The following FNIP1 variants were observed in gnomAD, a reference collection of about 807,000 sequenced individuals.
FNIP1 encodes the protein folliculin interacting protein 1.
A neutral mutation model predicts 124.5 loss-of-function variants in FNIP1; 40 were observed. That is an observed-to-expected ratio of 0.32 (90% CI 0.25 to 0.42). The LOEUF is 0.42. Ranked by LOEUF, FNIP1 falls within the 10% of genes least tolerant of loss-of-function variation. The pLI is 1.00. For missense variants in FNIP1, 1,176 were observed against 1,403.7 expected, an observed-to-expected ratio of 0.84 and a Z score of 2.59; for synonymous variants, 472 against 470.6, an observed-to-expected ratio of 1.00 and a Z score of -0.04.
chr5:131,716,577 G>A lies in FNIP1; in HGVS notation c.610C>T (p.Leu204Phe), dbSNP rs780710252. The change falls in exon 6 of 18, where the codon CTT (leucine) becomes TTT (phenylalanine). Residue 204 changes from leucine (L) to phenylalanine (F), a missense_variant. Coordinates refer to ENST00000510461, the MANE Select transcript of FNIP1 (RefSeq NM_133372.3). The stretch of plus-strand genomic sequence containing the variant: ...AGGAACCATTTACCTATATTTCCAA[G>A]CAGTCCATTAATAACTGTGTTATTA... ...ADNNTVINGL[L>F]GNIGLSQFCS... 1 of 1,594,230 alleles carries A rather than the reference G, an allele frequency of 6.3e-7. No homozygotes were observed. Among genetic ancestry groups the A allele is most frequent in the Non-Finnish European group, 8.6e-7 (1 of 1,168,568 alleles).
intron 1 of FNIP1, among the ~76,000 whole-genome samples, chr5:131,785,651 A>G (rs1269480386): frequency 2.0e-5 from 3 of 152,278 alleles, no homozygotes; most frequent in South Asian, 2.1e-4. Flanking sequence ...CAGACGGTAC[A>G]TTAACATGGG....
chr5:131,747,489 T>C (rs1770721260), intron 1 of FNIP1, among the ~76,000 whole-genome samples: 1 of 152,114 alleles, frequency 6.6e-6, no homozygotes, highest in Non-Finnish European at 1.5e-5. Context: ...TTCTACTAAA[T>C]TGTGCTTTCA....
Position 131,655,028 on chromosome 5 carries a change from T to C in FNIP1, c.3109-3029A>G, listed in dbSNP as rs568561646. On this transcript the variant is annotated intron_variant, in intron 15 of 17. Coordinates refer to ENST00000510461, the MANE Select transcript of FNIP1 (RefSeq NM_133372.3). ...AAAGATATATACATCTGTGATATTG[T>C]GAAATATATTCAGCTGACCAACAAC... Among the ~76,000 whole-genome samples, 12 of 152,328 alleles carry C rather than the reference T, an allele frequency of 7.9e-5. No individual in the cohort carries two copies. In the South Asian group the frequency reaches 2.3e-3, roughly 29 times the overall value.
chr5:131,760,660 T>C (rs772139247), intron 1 of FNIP1, among the ~76,000 whole-genome samples: 2 of 152,176 alleles, frequency 1.3e-5, no homozygotes, highest in Non-Finnish European at 2.9e-5. Context: ...TTAGTTGTTC[T>C]TTCCTGAGCC....
rs775193579 is a variant in FNIP1, at chr5:131,709,169, A to G, written c.778+32T>C. On this transcript the variant is annotated intron_variant, in intron 8 of 17. Coordinates refer to ENST00000510461, the MANE Select transcript of FNIP1 (RefSeq NM_133372.3). ...GAAAATCAATGCCAACAGTAATCTC[A>G]TAAAAAACTGAATACAAGAACGTGA... 4 of 1,580,978 alleles carry G rather than the reference A, an allele frequency of 2.5e-6. No homozygotes were observed. The South Asian group carries it at 4.5e-5, about 18-fold the overall frequency.
At chr5:131,681,415 C>T (rs1432431619) in intron 11 of FNIP1, among the ~76,000 whole-genome samples, 1 of 152,042 alleles carries the variant, frequency 6.6e-6, no homozygotes, top group African/African-American at 2.4e-5. Flanking sequence ...TTCTCAACTA[C>T]AGAGCGCAAC....
chr5:131,690,014 A>T (rs1194821064), intron 11 of FNIP1, among the ~76,000 whole-genome samples: 2 of 151,960 alleles, frequency 1.3e-5, no homozygotes, highest in Non-Finnish European at 2.9e-5. Flanking sequence ...AGGTCAGGAG[A>T]TCGAGGCCAT....
rs200864184 is a variant in FNIP1 at position 131,682,138 on chromosome 5, T to TATAA, written c.1203-2967_1203-2964dup. Among the ~76,000 whole-genome samples the TATAA allele has an allele frequency of 8.0e-4, 122 of 152,212 alleles. 1 individual carries two copies. Among genetic ancestry groups the TATAA allele is most frequent in the African/African-American group, 2.5e-3 (104 of 41,540 alleles). On this transcript the variant is annotated intron_variant, in intron 11 of 17. Transcript: ENST00000510461. ...TACTTTTTGATTAAAAGAAACAATG[T>TATAA]ATAAATAAATAAATAAATATGCTGA...
intron 1 of FNIP1, among the ~76,000 whole-genome samples, chr5:131,788,837 T>C (rs1772306517): frequency 6.6e-6 from 1 of 151,956 alleles, no homozygotes; most frequent in African/African-American, 2.4e-5. Flanking sequence ...GCAGATAAAA[T>C]TAACAACCAA....
At chr5:131,749,516 C>T (rs1165741002) in intron 1 of FNIP1, among the ~76,000 whole-genome samples, 1 of 151,932 alleles carries the variant, frequency 6.6e-6, no homozygotes, top group African/African-American at 2.4e-5. Flanking sequence ...CTCAGCCTCC[C>T]CAGTTGCTGG....
chr5:131,719,639 G>A (rs1049520294), intron 3 of FNIP1, among the ~76,000 whole-genome samples: 2 of 152,122 alleles, frequency 1.3e-5, no homozygotes, highest in East Asian at 3.8e-4. Flanking sequence ...TTTAAGAGCT[G>A]TACAATATTT....
At chr5:131,660,570 C>T (rs1331368214) in intron 15 of FNIP1, among the ~76,000 whole-genome samples, 1 of 152,130 alleles carries the variant, frequency 6.6e-6, no homozygotes, top group African/African-American at 2.4e-5. Context: ...CCACCGCACC[C>T]CTTTCCCCAA....
intron 3 of FNIP1, among the ~76,000 whole-genome samples, chr5:131,720,915 C>CA (rs1769635472): frequency 6.6e-6 from 1 of 152,200 alleles, no homozygotes; most frequent in Non-Finnish European, 1.5e-5. Flanking sequence ...TGGAAAACAA[C>CA]ATGGCAAGTC....
intron 11 of FNIP1, among the ~76,000 whole-genome samples, chr5:131,683,314 C>T (rs766274933): frequency 1.3e-5 from 2 of 151,646 alleles, no homozygotes; most frequent in Non-Finnish European, 2.9e-5. Context: ...TTTGGGAGGC[C>T]GAGGCAGGCA....
At position 131,643,180 on chromosome 5, in the gene FNIP1, A is replaced by G. The variant is rs935784616; in HGVS notation, c.*1505T>C. 1.3e-5 allele frequency: 2 copies of G among 152,364 alleles called. No individual in the cohort carries two copies. The highest frequency in any genetic ancestry group is 4.8e-5 in the African/African-American group (2 of 41,456). 9.4% of individuals were successfully genotyped at this position (152,364 alleles called of 1,614,324 possible). On this transcript the variant is annotated 3_prime_UTR_variant, in exon 18 of 18. Coordinates refer to ENST00000510461, the MANE Select transcript of FNIP1 (RefSeq NM_133372.3). ...AACAATTTTTTCTTTGTCTAGTTGG[A>G]AGTCTCTTGAATACATACACAGCAA...
At chr5:131,794,459 C>T (rs1425209021) in intron 1 of FNIP1, among the ~76,000 whole-genome samples, 1 of 151,982 alleles carries the variant, frequency 6.6e-6, no homozygotes, top group Admixed American at 6.5e-5. Flanking sequence ...TGCAACCCCA[C>T]TCCTAGATTT....
chr5:131,792,254 G>C (rs1489159334), intron 1 of FNIP1, among the ~76,000 whole-genome samples: 1 of 150,152 alleles, frequency 6.7e-6, no homozygotes, highest in Non-Finnish European at 1.5e-5. Context: ...TCCGCCTCCC[G>C]GGTTCAAGCG....
chr5:131,762,694 C>CA (rs1250484545), intron 1 of FNIP1, among the ~76,000 whole-genome samples: 2 of 151,838 alleles, frequency 1.3e-5, no homozygotes, highest in African/African-American at 2.4e-5. Context: ...GGAGGTTCCT[C>CA]AAAAAAACTA....
chr5:131,739,551 C>T (rs773773611), intron 2 of FNIP1, among the ~76,000 whole-genome samples: 3 of 152,014 alleles, frequency 2.0e-5, no homozygotes, highest in East Asian at 1.9e-4. Context: ...TGGTGGCTCA[C>T]GCCCGTAATC....
Sources: allele counts gnomAD v4.1 joint callset (sites outside exome capture counted in the v4.1 genomes callset), GRCh38; gene constraint gnomAD v4.1.1; transcripts MANE v1.5; gene names NCBI Gene and HGNC (gene_info 2026-07-23, HGNC 2026-07-21).